Variants in PRKCA observed in about 807,000 individuals in gnomAD.
The protein encoded by PRKCA is protein kinase C alpha, also known as protein kinase C alpha type.
A neutral mutation model predicts 87.0 loss-of-function variants in PRKCA; 27 were observed. That is an observed-to-expected ratio of 0.31 (90% CI 0.23 to 0.43). The LOEUF is 0.43. PRKCA is among the 20% of genes least tolerant of loss of function. The pLI is 1.00. For synonymous variants in PRKCA, 329 were observed against 311.1 expected (o/e 1.06, Z -0.61); for missense variants, 518 against 852.3 (o/e 0.61, Z 4.88).
intron 8 of PRKCA, among the ~76,000 whole-genome samples, chr17:66,692,443 G>A (rs963287410): frequency 1.1e-4 from 16 of 152,140 alleles, no homozygotes; most frequent in African/African-American, 1.9e-4. Flanking sequence ...GTTCAATCAC[G>A]TAATGGTGTT....
At chr17:66,702,455 A>G (rs992896445) in intron 8 of PRKCA, among the ~76,000 whole-genome samples, 10 of 152,140 alleles carry the variant, frequency 6.6e-5, no homozygotes, top group Admixed American at 1.3e-4. Context: ...GATGTTGGTT[A>G]AATACAAACT....
chr17:66,425,057 C>G (rs1031609712), intron 2 of PRKCA, among the ~76,000 whole-genome samples: 2 of 152,130 alleles, frequency 1.3e-5, no homozygotes, highest in African/African-American at 4.8e-5. Context: ...CCACCGTGCC[C>G]AGCCTGTATA....
intron 2 of PRKCA, among the ~76,000 whole-genome samples, chr17:66,489,444 T>A (rs1014527541): frequency 6.8e-6 from 1 of 146,836 alleles, no homozygotes; most frequent in African/African-American, 2.5e-5. Flanking sequence ...TAAATAGGGA[T>A]GAACCCATTT....
intron 16 of PRKCA, among the ~76,000 whole-genome samples, chr17:66,802,896 T>G (rs1379944542): frequency 6.6e-6 from 1 of 152,220 alleles, no homozygotes; most frequent in Non-Finnish European, 1.5e-5. Context: ...GGGCAGTAAT[T>G]GGCAGCATCT....
Position 66,303,038 on chromosome 17 carries a change from C to T in PRKCA, c.173+14C>T. 1 of 1,604,488 alleles carries T rather than the reference C, an allele frequency of 6.2e-7. No individual in the cohort carries two copies. Among genetic ancestry groups the T allele is most frequent in the Non-Finnish European group, 8.5e-7 (1 of 1,175,760 alleles). On this transcript the variant is annotated intron_variant, in intron 1 of 16. Coordinates refer to ENST00000413366, the MANE Select transcript of PRKCA (RefSeq NM_002737.3). The stretch of plus-strand genomic sequence containing the variant: ...CGACTTCATCTGGTAGGTGCCGGGC[C>T]GGGCACTCCTGCCCCGCTCCTCCCC...
At chr17:66,749,281 T>G (rs888257660) in intron 13 of PRKCA, among the ~76,000 whole-genome samples, 7 of 85,846 alleles carry the variant, frequency 8.2e-5, no homozygotes, top group African/African-American at 3.0e-4. Flanking sequence ...CCTGACCTCC[T>G]CCCCCTGCCC....
chr17:66,434,424 A>G (rs1208428360), intron 2 of PRKCA, among the ~76,000 whole-genome samples: 2 of 152,134 alleles, frequency 1.3e-5, no homozygotes, highest in Non-Finnish European at 2.9e-5. Context: ...TGATTTGGGA[A>G]ACATGGATGA....
chr17:66,364,944 G>A (rs544252347), intron 2 of PRKCA, among the ~76,000 whole-genome samples: 1 of 152,178 alleles, frequency 6.6e-6, no homozygotes, highest in East Asian at 1.9e-4. Flanking sequence ...AACTGAAGAA[G>A]GTAAAATCTA....
At chr17:66,781,433 A>AC (rs1232063595) in intron 14 of PRKCA, among the ~76,000 whole-genome samples, 37 of 152,168 alleles carry the variant, frequency 2.4e-4, no homozygotes, top group African/African-American at 8.9e-4. Context: ...GGCCTCTCTG[A>AC]CCCTCAACGT....
chr17:66,486,217 A>C (rs7224957), intron 2 of PRKCA, among the ~76,000 whole-genome samples: 46,313 of 151,788 alleles, frequency 0.31, 7,189 homozygotes, highest in Middle Eastern at 0.44. Flanking sequence ...GTTGTTGTTT[A>C]CATAAAGCAG....
At position 66,368,325 on chromosome 17, in the gene PRKCA, T is replaced by C. The variant is rs191673605; in HGVS notation, c.205+62198T>C. Among the ~76,000 whole-genome samples the C allele has an allele frequency of 1.2e-3, 109 of 87,798 alleles. 1 individual carries two copies. Among genetic ancestry groups the C allele is most frequent in the African/African-American group, 4.5e-3 (109 of 24,372 alleles). The allele number at this position is 87,798 out of a possible 152,430, so 57.6% of individuals were successfully genotyped here. ...GTGTGTGTGTGTGTGTTTATCTATA[T>C]GTGTGTGTATATATGTGTGTGTGTG... On this transcript the variant is annotated intron_variant, in intron 2 of 16. Transcript: ENST00000413366.
rs1161026388 is a variant in PRKCA at position 66,482,118 on chromosome 17, GAAAA to G, written c.206-14079_206-14076del. Among the ~76,000 whole-genome samples the G allele has an allele frequency of 2.6e-5, 3 of 114,528 alleles. 1 individual carries two copies. Among genetic ancestry groups the G allele is most frequent in the South Asian group, 5.6e-4 (2 of 3,554 alleles). The allele number at this position is 114,528 out of a possible 152,430, so 75.1% of individuals were successfully genotyped here. A position where few individuals can be genotyped will look rare whatever the true frequency, so the allele number is the denominator to read the frequency against. The stretch of plus-strand genomic sequence containing the variant: ...TGTCTCAAAAAAAAAAAAAAAAAAA[GAAAA>G]AAAGAAAAAAAAGAAAGTGGATCGA... On this transcript the variant is annotated intron_variant, in intron 2 of 16. Transcript: ENST00000413366.
rs577933122 is a variant in PRKCA, at chr17:66,650,423, T to G, written c.529+4912T>G. Among the ~76,000 whole-genome samples, 482 of 152,208 alleles carry G rather than the reference T, an allele frequency of 3.2e-3. 2 individuals are homozygous for G. The highest frequency in any genetic ancestry group is 6.2e-3 in the South Asian group (30 of 4,820). The stretch of plus-strand genomic sequence containing the variant: ...CTACACTCTAGTGTGTTTTGTAAAT[T>G]CGGTTTATAGGAGTAGTAAAAAAAA... On this transcript the variant is annotated intron_variant, in intron 5 of 16. Coordinates refer to ENST00000413366, the MANE Select transcript of PRKCA (RefSeq NM_002737.3).
chr17:66,730,548 G>A (rs1973859040), intron 8 of PRKCA, among the ~76,000 whole-genome samples: 1 of 152,132 alleles, frequency 6.6e-6, no homozygotes, highest in African/African-American at 2.4e-5. Context: ...CACCATGTAG[G>A]GTAACTTCCA....
chr17:66,381,733 T>C (rs758468816), intron 2 of PRKCA, among the ~76,000 whole-genome samples: 8 of 152,238 alleles, frequency 5.3e-5, no homozygotes, highest in Non-Finnish European at 8.8e-5. Context: ...TCAATTTTAC[T>C]GCCCTGCTTG....
At chr17:66,658,549 CT>C (rs1441754150) in intron 5 of PRKCA, among the ~76,000 whole-genome samples, 2 of 152,168 alleles carry the variant, frequency 1.3e-5, no homozygotes, top group African/African-American at 4.8e-5. Context: ...TCACCTCGTC[CT>C]TCCTACAACC....
At chr17:66,375,331 A>G (rs1401690219) in intron 2 of PRKCA, among the ~76,000 whole-genome samples, 1 of 152,188 alleles carries the variant, frequency 6.6e-6, no homozygotes, top group African/African-American at 2.4e-5. Flanking sequence ...CAGAAGACTT[A>G]AGGGTACCGG....
chr17:66,429,807 G>A (rs187550904), intron 2 of PRKCA, among the ~76,000 whole-genome samples: 3 of 152,146 alleles, frequency 2.0e-5, no homozygotes, highest in South Asian at 2.1e-4. Flanking sequence ...TTAATGTGAC[G>A]GATAGGAAGA....
At chr17:66,548,663 T>C (rs74731479) in intron 3 of PRKCA, among the ~76,000 whole-genome samples, 6,790 of 152,252 alleles carry the variant, frequency 0.045, 420 homozygotes, top group African/African-American at 0.13. Flanking sequence ...GACCCTATCC[T>C]GGACTATCTG....
Sources: allele counts gnomAD v4.1 joint callset (sites outside exome capture counted in the v4.1 genomes callset), GRCh38; gene constraint gnomAD v4.1.1; transcripts MANE v1.5; gene names NCBI Gene and HGNC (gene_info 2026-07-23, HGNC 2026-07-21).